The following SIRT1 variants were observed in gnomAD, a reference collection of about 807,000 sequenced individuals.
The protein encoded by SIRT1 is NAD-dependent protein deacetylase sirtuin-1.
A neutral mutation model predicts 67.9 loss-of-function variants in SIRT1; 24 were observed. The observed-to-expected ratio is 0.35, with a 90% CI of 0.26 to 0.50. The LOEUF is 0.50. Ranked by LOEUF, SIRT1 falls within the 20% of genes least tolerant of loss-of-function variation. The pLI, the probability that SIRT1 is intolerant of heterozygous loss-of-function variation, is 0.98. For synonymous variants in SIRT1, 378 were observed against 350.7 expected (o/e 1.08, Z -0.87); for missense variants, 873 against 937.2 (o/e 0.93, Z 0.89).
chr10:67,901,543 C>A (rs1253461652), intron 4 of SIRT1, among the ~76,000 whole-genome samples: 1 of 152,136 alleles, frequency 6.6e-6, no homozygotes, highest in East Asian at 1.9e-4. Flanking sequence ...TGCATAGGGT[C>A]TCTGTCATAT....
chr10:67,890,219 C>A (rs1271402888), intron 3 of SIRT1, among the ~76,000 whole-genome samples: 4 of 152,044 alleles, frequency 2.6e-5, no homozygotes, highest in African/African-American at 7.2e-5. Flanking sequence ...CCACACCTGG[C>A]TAATTTTTGT....
At chr10:67,905,471 A>T (rs372907792) in intron 4 of SIRT1, among the ~76,000 whole-genome samples, 3 of 152,250 alleles carry the variant, frequency 2.0e-5, no homozygotes, top group African/African-American at 7.2e-5. Context: ...GGTTTTTAGC[A>T]GCATGTGTAC....
At chr10:67,897,484 C>T (rs971593798) in intron 4 of SIRT1, among the ~76,000 whole-genome samples, 3 of 151,948 alleles carry the variant, frequency 2.0e-5, no homozygotes. Context: ...TCTGCCTTAG[C>T]CTGCTGAGTA....
chr10:67,895,660 CTT>C (rs113561554), intron 4 of SIRT1, among the ~76,000 whole-genome samples: 3 of 88,392 alleles, frequency 3.4e-5, no homozygotes, highest in African/African-American at 9.9e-5. Flanking sequence ...GAGAGACTTT[CTT>C]TTTTTTTTGG....
chr10:67,910,212 T>A (rs753089067), intron 7 of SIRT1, among the ~76,000 whole-genome samples: 7 of 151,944 alleles, frequency 4.6e-5, no homozygotes, highest in Non-Finnish European at 1.0e-4. Context: ...CTGTCTCTAC[T>A]AAAAATACAA....
At chr10:67,912,371 G>A (rs1240466871) in intron 7 of SIRT1, 103 bp from the exon 8 acceptor site, 1 of 1,049,204 alleles carries the variant, frequency 9.5e-7, no homozygotes, top group Non-Finnish European at 1.4e-6. Context: ...TGGGAATTTG[G>A]AGCTCAAGCC....
Position 67,885,149 on chromosome 10 carries a change from G to A in SIRT1, c.428G>A (p.Arg143Gln). The change falls in exon 1 of 9, where the codon CGA becomes CAA. Residue 143 changes from arginine to glutamine, a missense_variant and splice_region_variant. This residue lies in a region of SIRT1 where 327 missense variants were observed against 283.9 expected (regional missense o/e 1.15). Coordinates refer to ENST00000212015, the MANE Select transcript of SIRT1 (RefSeq NM_012238.5). ...EEAAAAAIGY[R>Q]DNLLFGDEII... ...GCGGCGGCGGCGGCGATTGGGTACC[G>A]AGGTGCGCAGGGTGCGGGCGGCCGG... The A allele has an allele frequency of 7.1e-7, 1 of 1,401,888 alleles. No homozygotes were observed. Among genetic ancestry groups the A allele is most frequent in the Non-Finnish European group, 9.3e-7 (1 of 1,070,208 alleles). The allele number at this position is 1,401,888 out of a possible 1,614,324, so 86.8% of individuals were successfully genotyped here.
chr10:67,884,796 G>C lies in SIRT1; in HGVS notation c.75G>C (p.Ala25=). The C allele has an allele frequency of 8.2e-7, 1 of 1,214,404 alleles. No individual in the cohort carries two copies. Among genetic ancestry groups the C allele is most frequent in the Non-Finnish European group, 1.0e-6 (1 of 977,854 alleles). 75.2% of individuals were successfully genotyped at this position (1,214,404 alleles called of 1,614,324 possible). ...PSAAGADREA[A]SSPAGEPLRK... is the part of the protein sequence containing the mutation. ...CGGCGGGGGCCGACAGGGAGGCCGCGTCGTCCCCCGCCGGGGAGCCGCTCC... is the reference window on the plus strand; with the variant it reads ...CGGCGGGGGCCGACAGGGAGGCCGCCTCGTCCCCCGCCGGGGAGCCGCTCC... Residue 25 remains alanine (A), a synonymous_variant, in exon 1 of 9, where the codon GCG becomes GCC. Transcript: ENST00000212015.
chr10:67,884,937 G>A lies in SIRT1; in HGVS notation c.216G>A (p.Ala72=). The A allele has an allele frequency of 8.0e-7, 1 of 1,249,272 alleles. No individual in the cohort carries two copies. Among genetic ancestry groups the A allele is most frequent in the Non-Finnish European group, 1.0e-6 (1 of 997,088 alleles). The allele number at this position is 1,249,272 out of a possible 1,614,324, so 77.4% of individuals were successfully genotyped here. A position where few individuals can be genotyped will look rare whatever the true frequency, so the allele number is the denominator to read the frequency against. Residue 72 remains alanine, a synonymous_variant, in exon 1 of 9, where the codon GCG becomes GCA. Coordinates refer to ENST00000212015, the MANE Select transcript of SIRT1 (RefSeq NM_012238.5). ...CCAGGGGCTGCCCGGGTGCGGCGGC[G>A]GCGGCGCTGTGGCGGGAGGCGGAGG... ...AAARGCPGAA[A]AALWREAEAE... is the part of the protein sequence containing the mutation.
chr10:67,887,663 G>A (rs1842506737), intron 2 of SIRT1, 130 bp downstream of exon 2: 4 of 553,988 alleles, frequency 7.2e-6, no homozygotes, highest in South Asian at 2.0e-5. Flanking sequence ...CGTACCCTCC[G>A]CCTTCCAGGT....
chr10:67,905,984 A>C (rs1418029679), intron 4 of SIRT1: 1 of 374,144 alleles, frequency 2.7e-6, no homozygotes, highest in East Asian at 4.9e-5. Context: ...ATGGTAAGGA[A>C]GTAAGTAGAT....
intron 6 of SIRT1, among the ~76,000 whole-genome samples, chr10:67,908,915 G>A (rs1159099042): frequency 6.6e-6 from 1 of 151,764 alleles, no homozygotes; most frequent in Non-Finnish European, 1.5e-5. Context: ...TAAATAAAAT[G>A]GAATCATTTT....
At chr10:67,903,683 G>A (rs956896590) in intron 4 of SIRT1, among the ~76,000 whole-genome samples, 2 of 152,166 alleles carry the variant, frequency 1.3e-5, no homozygotes, top group African/African-American at 2.4e-5. Flanking sequence ...CACCACATCC[G>A]GCCAATTTCT....
At position 67,916,367 on chromosome 10, in the gene SIRT1, G is replaced by C. The variant is rs1186590766; in HGVS notation, c.2018G>C (p.Ser673Thr). Residue 673 changes from serine (S) to threonine (T), a missense_variant, in exon 9 of 9, where the codon AGT (serine) becomes ACT (threonine). Around this residue, in one of 3 missense-constraint regions of SIRT1, gnomAD observed 295 missense variants for 294.5 expected, o/e 1.00. Transcript: ENST00000212015. ...GTCTTATCCTCTAGTTCTTGTGGCA[G>C]TAACAGTGATAGTGGGACATGCCAG... is the stretch of plus-strand genomic sequence containing the variant. ...DDVLSSSSCG[S>T]NSDSGTCQSP... The C allele has an allele frequency of 1.2e-6, 2 of 1,614,178 alleles. No homozygotes were observed. The highest frequency in any genetic ancestry group is 1.7e-6 in the Non-Finnish European group (2 of 1,180,030).
chr10:67,910,780 T>C (rs1049142504), intron 7 of SIRT1, among the ~76,000 whole-genome samples: 21 of 152,236 alleles, frequency 1.4e-4, no homozygotes, highest in Non-Finnish European at 1.9e-4. Context: ...CTCAGGAAAA[T>C]TTCTTTGTCA....
intron 4 of SIRT1, among the ~76,000 whole-genome samples, chr10:67,902,469 AC>A (rs2131872317): frequency 6.6e-6 from 1 of 152,372 alleles, no homozygotes; most frequent in Admixed American, 6.5e-5. Context: ...GTTCATAAAT[AC>A]AAACTTTTAT....
Position 67,888,976 on chromosome 10 carries a change from G to A in SIRT1, c.642G>A (p.Glu214=), listed in dbSNP as rs139673570. 9 of 1,613,842 alleles carry A rather than the reference G, an allele frequency of 5.6e-6. No homozygotes were observed. The highest frequency in any genetic ancestry group is 7.6e-6 in the Non-Finnish European group (9 of 1,179,952). The change falls in exon 3 of 9, where the codon GAG becomes GAA. Residue 214 remains glutamate, a synonymous_variant. Transcript: ENST00000212015. ...TGCCGGAAACAATACCTCCACCTGA[G>A]TTGGATGATATGACACTGTGGCAGA... The part of the protein sequence containing the change: ...DLLPETIPPP[E]LDDMTLWQIV...
At chr10:67,909,160 C>A in intron 6 of SIRT1, 96 bp from the exon 7 acceptor site, 1 of 746,002 alleles carries the variant, frequency 1.3e-6, no homozygotes, top group Non-Finnish European at 2.1e-6. Flanking sequence ...TTTAATAATT[C>A]TGAAATGTAT....
chr10:67,888,874 T>C lies in SIRT1; in HGVS notation c.548-8T>C. 1 of 1,587,658 alleles carries C rather than the reference T, an allele frequency of 6.3e-7. No individual in the cohort carries two copies. The highest frequency in any genetic ancestry group is 8.6e-7 in the Non-Finnish European group (1 of 1,163,736). On this transcript the variant is annotated splice_polypyrimidine_tract_variant and splice_region_variant and intron_variant, in intron 2 of 8. Coordinates refer to ENST00000212015, the MANE Select transcript of SIRT1 (RefSeq NM_012238.5). ...AGTTGACTTTAAGCCTTTTCCCCCT[T>C]ATTGTAGGTCCATATACTTTTGTTC... is the stretch of plus-strand genomic sequence containing the variant.
Sources: gnomAD v4.1 joint callset for allele counts (sites outside exome capture counted in the v4.1 genomes callset) on GRCh38, gnomAD v4.1.1 for gene constraint, gnomAD v4.1.1 regional missense constraint, MANE v1.5 for transcripts, NCBI Gene and HGNC (gene_info 2026-07-23, HGNC 2026-07-21) for gene names.